Variants in BCAS3 observed in about 807,000 individuals in gnomAD.
The protein encoded by BCAS3 is BCAS3 microtubule associated cell migration factor.
A neutral mutation model predicts 116.1 loss-of-function variants in BCAS3; 53 were observed. The observed-to-expected ratio is 0.46, with a 90% CI of 0.37 to 0.57. BCAS3 has a LOEUF of 0.57. Ranked by LOEUF, BCAS3 falls within the 20% of genes least tolerant of loss-of-function variation. BCAS3 has a pLI of 0.00. For missense variants in BCAS3, 917 were observed against 1,165.4 expected (o/e 0.79, Z 3.10); for synonymous variants, 391 against 408.2 (o/e 0.96, Z 0.51).
intron 13 of BCAS3, among the ~76,000 whole-genome samples, chr17:60,946,342 T>A (rs2060494605): frequency 6.6e-6 from 1 of 152,170 alleles, no homozygotes; most frequent in Non-Finnish European, 1.5e-5. Flanking sequence ...TAGGCCTAAA[T>A]GTAAAACATA....
At chr17:61,099,710 G>A (rs117297661) in intron 22 of BCAS3, among the ~76,000 whole-genome samples, 3,197 of 152,246 alleles carry the variant, frequency 0.021, 44 homozygotes, top group Middle Eastern at 0.041. Context: ...TAACTCTAGC[G>A]AAGTCTTGCT....
chr17:61,322,794 C>CAGAGAGAGAGAGAGAGAGAGAGAG (rs35581770), intron 22 of BCAS3, among the ~76,000 whole-genome samples: 15 of 99,682 alleles, frequency 1.5e-4, no homozygotes, highest in African/African-American at 3.3e-4. Flanking sequence ...GAGAGAGAGA[C>CAGAGAGAGAGAGAGAGAGAGAGAG]AGAGAGAGAG....
intron 5 of BCAS3, among the ~76,000 whole-genome samples, chr17:60,729,940 C>T (rs1024552771): frequency 7.9e-5 from 12 of 152,288 alleles, no homozygotes; most frequent in Middle Eastern, 6.8e-3. Flanking sequence ...TGCCTCCAGG[C>T]GTGTGTGTCA....
At chr17:60,785,410 T>TG (rs1484454661) in intron 6 of BCAS3, among the ~76,000 whole-genome samples, 1 of 152,018 alleles carries the variant, frequency 6.6e-6, no homozygotes, top group African/African-American at 2.4e-5. Context: ...CCACCTACCT[T>TG]GGCCTCCCAA....
chr17:61,005,709 T>C (rs954968676), intron 15 of BCAS3, among the ~76,000 whole-genome samples: 1 of 151,608 alleles, frequency 6.6e-6, no homozygotes, highest in Non-Finnish European at 1.5e-5. Flanking sequence ...TCTTTCAGTT[T>C]ACATCATTTT....
At chr17:61,194,335 G>C (rs2080343074) in intron 22 of BCAS3, among the ~76,000 whole-genome samples, 1 of 152,172 alleles carries the variant, frequency 6.6e-6, no homozygotes, top group Admixed American at 6.5e-5. Flanking sequence ...CCCGAGTTCA[G>C]AGAGGCTTCC....
intron 22 of BCAS3, among the ~76,000 whole-genome samples, chr17:61,275,680 T>A (rs1273500206): frequency 6.6e-6 from 1 of 152,172 alleles, no homozygotes; most frequent in Non-Finnish European, 1.5e-5. Flanking sequence ...CACATGCACT[T>A]GGCCCAGAAG....
intron 22 of BCAS3, among the ~76,000 whole-genome samples, chr17:61,154,586 C>T (rs955466683): frequency 4.6e-5 from 7 of 151,978 alleles, no homozygotes; most frequent in Admixed American, 1.3e-4. Flanking sequence ...CAGTGTGCAC[C>T]ACCACACCTG....
rs571209952 is a variant in BCAS3 at position 61,265,684 on chromosome 17, C to G, written c.2426-102643C>G. Reference sequence around the variant, plus strand: ...AATTTCAGGATTTAACTATGTAACACCATCATTCTTTTTTCCCCCCCATCA... The same window carrying G: ...AATTTCAGGATTTAACTATGTAACAGCATCATTCTTTTTTCCCCCCCATCA... On this transcript the variant is annotated intron_variant, in intron 22 of 23. Coordinates refer to ENST00000407086, the MANE Select transcript of BCAS3 (RefSeq NM_017679.5). This position sits in a 1 kb window ranked among gnomAD's most constrained non-coding sequence, Gnocchi z 4.3. Among the ~76,000 whole-genome samples the G allele has an allele frequency of 8.0e-5, 8 of 100,378 alleles. No homozygotes were observed. The South Asian group carries it at 3.3e-3, about 41-fold the overall frequency. 65.9% of individuals were successfully genotyped at this position (100,378 alleles called of 152,430 possible).
intron 4 of BCAS3, among the ~76,000 whole-genome samples, chr17:60,702,653 A>G (rs2036565880): frequency 1.3e-5 from 2 of 152,124 alleles, no homozygotes; most frequent in Non-Finnish European, 2.9e-5. Flanking sequence ...GCAGTGGTAC[A>G]GTCTCAGCTC....
At chr17:61,110,732 G>C (rs11079412) in intron 22 of BCAS3, among the ~76,000 whole-genome samples, 130,339 of 142,080 alleles carry the variant, frequency 0.92, 59,832 homozygotes, top group Middle Eastern at 0.97. Context: ...CAACTGGGTG[G>C]AGCCCACCAC....
intron 5 of BCAS3, among the ~76,000 whole-genome samples, chr17:60,725,971 C>T (rs1387892973): frequency 6.6e-6 from 1 of 152,198 alleles, no homozygotes; most frequent in African/African-American, 2.4e-5. Flanking sequence ...TCTTGGCTCA[C>T]TGCAGCCTCC....
intron 22 of BCAS3, among the ~76,000 whole-genome samples, chr17:61,242,854 C>CA (rs984482749): frequency 4.3e-5 from 6 of 139,208 alleles, no homozygotes; most frequent in Middle Eastern, 3.6e-3. Context: ...TAAAAAAAAA[C>CA]AAAAAAACCC....
chr17:60,896,539 G>T (rs2057522020), intron 10 of BCAS3, among the ~76,000 whole-genome samples: 1 of 151,310 alleles, frequency 6.6e-6, no homozygotes, highest in South Asian at 2.1e-4. Flanking sequence ...ATATCCTCTT[G>T]CTGAATTGAT....
intron 22 of BCAS3, among the ~76,000 whole-genome samples, chr17:61,329,863 C>T (rs2056116857): frequency 6.6e-6 from 1 of 152,138 alleles, no homozygotes; most frequent in African/African-American, 2.4e-5. Context: ...CGCTTACCTG[C>T]TCAGTCTTCG....
At chr17:61,148,621 GT>G (rs1462713130) in intron 22 of BCAS3, among the ~76,000 whole-genome samples, 1 of 152,160 alleles carries the variant, frequency 6.6e-6, no homozygotes, top group Non-Finnish European at 1.5e-5. Context: ...AACTGAAACA[GT>G]TTGTGACTTT....
rs1397045957 is a variant in BCAS3 at position 61,220,505 on chromosome 17, C to T, written c.2425+135941C>T. On this transcript the variant is annotated intron_variant, in intron 22 of 23. Transcript: ENST00000407086. The surrounding 1 kb of genome is among the most constrained non-coding windows in gnomAD (Gnocchi z 4.5). Reference sequence around the variant, plus strand: ...AAGTAGCCGAATTCTCAACTAATGACTTAAAACTTCAAATTTTAGGATTAA... The same window carrying T: ...AAGTAGCCGAATTCTCAACTAATGATTTAAAACTTCAAATTTTAGGATTAA... Among the ~76,000 whole-genome samples the T allele has an allele frequency of 6.6e-6, 1 of 152,170 alleles. No individual in the cohort carries two copies. Among genetic ancestry groups the T allele is most frequent in the Non-Finnish European group, 1.5e-5 (1 of 68,030 alleles).
chr17:60,817,855 A>ATTT lies in BCAS3; in HGVS notation c.476+9794_476+9796dup, dbSNP rs199501753. Among the ~76,000 whole-genome samples, 141 of 143,408 alleles carry ATTT rather than the reference A, an allele frequency of 9.8e-4. 1 individual carries two copies. Among genetic ancestry groups the ATTT allele is most frequent in the African/African-American group, 3.2e-3 (122 of 38,716 alleles). The allele number at this position is 143,408 out of a possible 152,430, so 94.1% of individuals were successfully genotyped here. A position where few individuals can be genotyped will look rare whatever the true frequency, so the allele number is the denominator to read the frequency against. On this transcript the variant is annotated intron_variant, in intron 7 of 23. Coordinates refer to ENST00000407086, the MANE Select transcript of BCAS3 (RefSeq NM_017679.5). ...AATTTACTTTGAGAAAAGCAAAATAATTTTTTTTTTTTTTTTTGAGGCAGA... is the reference window on the plus strand; with the variant it reads ...AATTTACTTTGAGAAAAGCAAAATAATTTTTTTTTTTTTTTTTTTTGAGGCAGA...
intron 16 of BCAS3, among the ~76,000 whole-genome samples, chr17:61,030,461 A>T (rs561137261): frequency 7.2e-5 from 11 of 152,126 alleles, no homozygotes; most frequent in Non-Finnish European, 1.5e-4. Context: ...GCTGGATTAC[A>T]TAATAAAGGC....
Sources: gnomAD v4.1 joint callset for allele counts (sites outside exome capture counted in the v4.1 genomes callset) on GRCh38, gnomAD v4.1.1 for gene constraint, Gnocchi (gnomAD v3.1) non-coding constraint, MANE v1.5 for transcripts, NCBI Gene and HGNC (gene_info 2026-07-23, HGNC 2026-07-21) for gene names.